FOXN3: variants seen among roughly 807,000 people sequenced by gnomAD.
The protein encoded by FOXN3 is forkhead box protein N3.
FOXN3 carries 7 observed loss-of-function variants against 38.4 expected under a neutral mutation model. The ratio of observed to expected loss-of-function variants is 0.18; its 90% CI spans 0.10 to 0.34. FOXN3 has a LOEUF of 0.34. Among genes scored for constraint, FOXN3 ranks in the 10% least tolerant of loss-of-function variants. The pLI is 1.00. For missense variants in FOXN3, 456 were observed against 613.4 expected (o/e 0.74, Z 2.71); for synonymous variants, 230 against 242.2 (o/e 0.95, Z 0.47).
intron 4 of FOXN3, among the ~76,000 whole-genome samples, chr14:89,218,539 A>T (rs1330436967): frequency 6.6e-6 from 1 of 152,240 alleles, no homozygotes; most frequent in Non-Finnish European, 1.5e-5. Flanking sequence ...AAACGTATAC[A>T]TTGTTCTACA....
At chr14:89,325,750 G>A (rs1888063925) in intron 3 of FOXN3, among the ~76,000 whole-genome samples, 1 of 152,208 alleles carries the variant, frequency 6.6e-6, no homozygotes, top group African/African-American at 2.4e-5. Context: ...TGACATCACA[G>A]AGCTAGTGAA....
intron 1 of FOXN3, among the ~76,000 whole-genome samples, chr14:89,538,926 T>C (rs910587718): frequency 6.7e-6 from 1 of 148,790 alleles, no homozygotes; most frequent in Non-Finnish European, 1.5e-5. Flanking sequence ...TCACTGCAAC[T>C]TCCGCCCCAT....
At chr14:89,303,195 C>G (rs769990370) in intron 3 of FOXN3, among the ~76,000 whole-genome samples, 4 of 152,078 alleles carry the variant, frequency 2.6e-5, no homozygotes, top group Non-Finnish European at 5.9e-5. Context: ...GACACCAGAG[C>G]GCCTTTGACC....
At chr14:89,577,348 AATT>A (rs1895653669) in intron 1 of FOXN3, 1 of 152,168 alleles carries the variant, frequency 6.6e-6, no homozygotes, top group Non-Finnish European at 1.5e-5. Context: ...CCATAAATAA[AATT>A]ATAAGGATAG....
chr14:89,320,186 A>G (rs1180478696), intron 3 of FOXN3, among the ~76,000 whole-genome samples: 1 of 152,234 alleles, frequency 6.6e-6, no homozygotes, highest in Non-Finnish European at 1.5e-5. Context: ...CAAAATCATC[A>G]TCTCTTGCAG....
intron 2 of FOXN3, among the ~76,000 whole-genome samples, chr14:89,354,228 T>G (rs554325016): frequency 9.2e-5 from 14 of 151,900 alleles, no homozygotes; most frequent in African/African-American, 2.9e-4. Context: ...GTTTGGTTTT[T>G]TTTGTTTGTT....
rs780252964 is a variant in FOXN3, at chr14:89,254,906, C to T, written c.745+26044G>A. Among the ~76,000 whole-genome samples the T allele has an allele frequency of 9.2e-5, 14 of 152,212 alleles. No homozygotes were observed. In the East Asian group the frequency reaches 1.2e-3, roughly 13 times the overall value. On this transcript the variant is annotated intron_variant, in intron 4 of 5. Transcript: ENST00000557258. Reference sequence around the variant, plus strand: ...CTTCTGTTGTCCACTCCCCCACTAACGACGCACTTAGCAGCACTTAGCAGA... The same window carrying T: ...CTTCTGTTGTCCACTCCCCCACTAATGACGCACTTAGCAGCACTTAGCAGA...
chr14:89,581,782 C>G (rs527871359), intron 1 of FOXN3, among the ~76,000 whole-genome samples: 313 of 152,322 alleles, frequency 2.1e-3, no homozygotes, highest in African/African-American at 7.4e-3. Context: ...GTCAGAGAAG[C>G]CTAGCAGCCC....
chr14:89,506,061 GA>G (rs1272208182), intron 1 of FOXN3, among the ~76,000 whole-genome samples: 57 of 146,070 alleles, frequency 3.9e-4, no homozygotes, highest in African/African-American at 1.5e-3. Flanking sequence ...GCCCCGTCCA[GA>G]AGGGAGGTGG....
At position 89,401,372 on chromosome 14, in the gene FOXN3, G is replaced by A. The variant is rs1444986633; in HGVS notation, c.543+10562C>T. Among the ~76,000 whole-genome samples the A allele has an allele frequency of 2.6e-5, 4 of 152,166 alleles. No individual in the cohort carries two copies. The East Asian group carries it at 7.7e-4, about 29-fold the overall frequency. The stretch of plus-strand genomic sequence containing the variant: ...CAGAAGAATCACTTGAAGCCAGGAG[G>A]TGGAGGTTGCAGTGAGCTGAGATGG... On this transcript the variant is annotated intron_variant, in intron 2 of 5. Coordinates refer to ENST00000557258, the MANE Select transcript of FOXN3 (RefSeq NM_005197.4).
chr14:89,586,261 T>C (rs186285732), intron 1 of FOXN3, among the ~76,000 whole-genome samples: 1 of 151,756 alleles, frequency 6.6e-6, no homozygotes, highest in East Asian at 1.9e-4. Context: ...AAATGTGAAA[T>C]AAAATGAAAG....
At chr14:89,403,275 C>A (rs953608364) in intron 2 of FOXN3, among the ~76,000 whole-genome samples, 1 of 152,090 alleles carries the variant, frequency 6.6e-6, no homozygotes, top group Non-Finnish European at 1.5e-5. Flanking sequence ...GATCATGGCT[C>A]ACCGTAGCCT....
intron 2 of FOXN3, among the ~76,000 whole-genome samples, chr14:89,403,926 AG>A (rs1393290438): frequency 1.3e-5 from 2 of 152,202 alleles, no homozygotes. Context: ...GAGAATACAA[AG>A]GGCATACAGC....
At position 89,484,183 on chromosome 14, in the gene FOXN3, C is replaced by G. The variant is rs1893397749; in HGVS notation, c.-14-71693G>C. Among the ~76,000 whole-genome samples, 1 of 152,176 alleles carries G rather than the reference C, an allele frequency of 6.6e-6. No homozygotes were observed. Among genetic ancestry groups the G allele is most frequent in the Admixed American group, 6.5e-5 (1 of 15,280 alleles). ...CAGAAAATCCCCCCTTCTGCTCCTT[C>G]CTATTCTAATCCTACTCATCCTTTC... On this transcript the variant is annotated intron_variant, in intron 1 of 6. Coordinates refer to the FOXN3 transcript ENST00000345097. The surrounding 1 kb of genome is among the most constrained non-coding windows in gnomAD (Gnocchi z 4.0).
At chr14:89,570,786 G>T (rs1258408718) in intron 1 of FOXN3, among the ~76,000 whole-genome samples, 1 of 151,930 alleles carries the variant, frequency 6.6e-6, no homozygotes, top group Non-Finnish European at 1.5e-5. Context: ...GAAGCCAAAA[G>T]ATTGGACACC....
intron 3 of FOXN3, among the ~76,000 whole-genome samples, chr14:89,312,059 C>T (rs1349619487): frequency 2.0e-5 from 3 of 151,890 alleles, no homozygotes; most frequent in Non-Finnish European, 4.4e-5. Flanking sequence ...CCGAGGCAGG[C>T]GGATCATTTG....
At chr14:89,446,087 CAAAAA>C (rs576883864) in intron 1 of FOXN3, among the ~76,000 whole-genome samples, 857 of 40,120 alleles carry the variant, frequency 0.021, 28 homozygotes, top group African/African-American at 0.056. Flanking sequence ...GACCCTGCCT[CAAAAA>C]AAAAAAAAAA....
intron 1 of FOXN3, among the ~76,000 whole-genome samples, chr14:89,451,363 T>G (rs1228815132): frequency 6.6e-6 from 1 of 152,188 alleles, no homozygotes; most frequent in Non-Finnish European, 1.5e-5. Flanking sequence ...CCTGCCTGAT[T>G]GTCAGGAAAT....
intron 1 of FOXN3, among the ~76,000 whole-genome samples, chr14:89,429,531 ATT>A (rs36009008): frequency 3.4e-5 from 5 of 147,716 alleles, no homozygotes; most frequent in South Asian, 2.1e-4. Flanking sequence ...GACACAACTG[ATT>A]TTTTTTTTTT....
Sources: allele counts gnomAD v4.1 joint callset (sites outside exome capture counted in the v4.1 genomes callset), GRCh38; gene constraint gnomAD v4.1.1; non-coding constraint Gnocchi (gnomAD v3.1); transcripts MANE v1.5; gene names NCBI Gene and HGNC (gene_info 2026-07-23, HGNC 2026-07-21).